Variants in JARID2 observed in about 807,000 individuals in gnomAD.
JARID2 encodes the protein jumonji and AT-rich interaction domain containing 2, also known as protein Jumonji.
JARID2 carries 21 observed loss-of-function variants against 125.6 expected under a neutral mutation model. The ratio of observed to expected loss-of-function variants is 0.17; its 90% CI spans 0.12 to 0.24. The LOEUF is 0.24. Among genes scored for constraint, JARID2 ranks in the 10% least tolerant of loss-of-function variants. The pLI, the probability that JARID2 is intolerant of heterozygous loss-of-function variation, is 1.00. For missense variants in JARID2, 1,303 were observed against 1,639.6 expected, an observed-to-expected ratio of 0.79 and a Z score of 3.55; for synonymous variants, 736 against 661.6, an observed-to-expected ratio of 1.11 and a Z score of -1.73.
At chr6:15,415,415 C>G (rs764022931) in intron 3 of JARID2, among the ~76,000 whole-genome samples, 8 of 151,694 alleles carry the variant, frequency 5.3e-5, no homozygotes, top group Non-Finnish European at 8.8e-5. Flanking sequence ...CCCTCACCTC[C>G]CAGACGGGGC....
In JARID2 at chr6:15,276,601, C is replaced by T. The variant is rs571829864; in HGVS notation, c.45+30017C>T. 2.0e-5 allele frequency among the ~76,000 whole-genome samples: 3 copies of T among 152,264 alleles called. No individual in the cohort carries two copies. In the South Asian group the frequency reaches 6.2e-4, roughly 32 times the overall value. ...AAGGATGTGCATCTTGTTGGCAGCC[C>T]CATGACTTTCTAGAAGCCCTGTTGT... On this transcript the variant is annotated intron_variant, in intron 1 of 17. Coordinates refer to ENST00000341776, the MANE Select transcript of JARID2 (RefSeq NM_004973.4).
intron 1 of JARID2, among the ~76,000 whole-genome samples, chr6:15,283,086 C>T (rs1210043001): frequency 4.0e-5 from 6 of 151,790 alleles, no homozygotes; most frequent in African/African-American, 1.5e-4. Flanking sequence ...TCTTGCCATT[C>T]TCCTGCCTCA....
chr6:15,287,529 T>C (rs767493097), intron 1 of JARID2, among the ~76,000 whole-genome samples: 3 of 152,244 alleles, frequency 2.0e-5, no homozygotes, highest in Non-Finnish European at 2.9e-5. Context: ...CACACAGAAT[T>C]ACATTTTTGG....
At chr6:15,246,637 T>A (rs1759191386) in intron 1 of JARID2, 53 bp downstream of exon 1, 1 of 1,418,094 alleles carries the variant, frequency 7.1e-7, no homozygotes, top group Admixed American at 1.7e-5. Context: ...GCAATGGCTG[T>A]GAATGTCAAG....
At chr6:15,445,669 T>G (rs1371481924) in intron 3 of JARID2, among the ~76,000 whole-genome samples, 1 of 152,192 alleles carries the variant, frequency 6.6e-6, no homozygotes, top group Non-Finnish European at 1.5e-5. Flanking sequence ...GCCCAGCGAC[T>G]GTGGCCTGGG....
chr6:15,321,435 T>TTA (rs1162062203), intron 1 of JARID2, among the ~76,000 whole-genome samples: 1 of 152,218 alleles, frequency 6.6e-6, no homozygotes, highest in Non-Finnish European at 1.5e-5. Context: ...CAGGAAATAT[T>TTA]TAACAATTTT....
Position 15,457,665 on chromosome 6 carries a change from C to T in JARID2, c.493+5490C>T, listed in dbSNP as rs1477547992. On this transcript the variant is annotated intron_variant, in intron 4 of 17. Transcript: ENST00000341776. Reference sequence around the variant, plus strand: ...ATTACCTTTAATATTCTCGGCACTTCTTTGGGATTTGGAAGAGAATAAATC... The same window carrying T: ...ATTACCTTTAATATTCTCGGCACTTTTTTGGGATTTGGAAGAGAATAAATC... Among the ~76,000 whole-genome samples, 3 of 131,892 alleles carry T rather than the reference C, an allele frequency of 2.3e-5. No individual in the cohort carries two copies. The East Asian group carries it at 6.7e-4, about 30-fold the overall frequency. 86.5% of individuals were successfully genotyped at this position (131,892 alleles called of 152,430 possible).
chr6:15,318,352 G>GA (rs1396042857), intron 1 of JARID2, among the ~76,000 whole-genome samples: 9 of 152,250 alleles, frequency 5.9e-5, no homozygotes, highest in Non-Finnish European at 1.2e-4. Context: ...AGGACAGGGA[G>GA]ACAGCAGTGA....
chr6:15,307,376 C>T (rs1761869675), intron 1 of JARID2, among the ~76,000 whole-genome samples: 1 of 152,114 alleles, frequency 6.6e-6, no homozygotes. Context: ...GCATACGGCA[C>T]CATTTTCGGC....
chr6:15,322,192 A>T (rs981979617), intron 1 of JARID2, among the ~76,000 whole-genome samples: 1 of 152,234 alleles, frequency 6.6e-6, no homozygotes, highest in Non-Finnish European at 1.5e-5. Flanking sequence ...TCAAATATCC[A>T]AACAGGCATG....
intron 3 of JARID2, among the ~76,000 whole-genome samples, chr6:15,423,151 A>T (rs2127590575): frequency 6.6e-6 from 1 of 152,104 alleles, no homozygotes; most frequent in Non-Finnish European, 1.5e-5. Flanking sequence ...GGTATGTGCC[A>T]CCACGTCCAG....
At chr6:15,415,656 ACCTC>A (rs1766141958) in intron 3 of JARID2, among the ~76,000 whole-genome samples, 3 of 77,360 alleles carry the variant, frequency 3.9e-5, no homozygotes, top group South Asian at 4.6e-4. Context: ...GACCCCCCCC[ACCTC>A]CCTCCCGGAC....
At chr6:15,399,220 C>G (rs780187876) in intron 2 of JARID2, among the ~76,000 whole-genome samples, 2 of 152,150 alleles carry the variant, frequency 1.3e-5, no homozygotes, top group African/African-American at 2.4e-5. Context: ...CTCCAGCCTT[C>G]TATGTTCTGT....
intron 6 of JARID2, among the ~76,000 whole-genome samples, chr6:15,492,866 C>G (rs1045117291): frequency 6.6e-6 from 1 of 151,908 alleles, no homozygotes; most frequent in African/African-American, 2.4e-5. Context: ...TATGGGCATG[C>G]GTGTGTGATA....
At position 15,401,154 on chromosome 6, in the gene JARID2, C is replaced by CTATATATATATA. The variant is rs140011539; in HGVS notation, c.182-9062_182-9051dup. ...TAAATCCATTGTGGATGGCAAGGTG[C>CTATATATATATA]TATATATATATATATATATGAGAGA... On this transcript the variant is annotated intron_variant, in intron 2 of 17. Coordinates refer to ENST00000341776, the MANE Select transcript of JARID2 (RefSeq NM_004973.4). 3 of 732,406 alleles carry CTATATATATATA rather than the reference C, an allele frequency of 4.1e-6. No individual in the cohort carries two copies. The African/African-American group carries it at 5.8e-5, about 14-fold the overall frequency. The allele number at this position is 732,406 out of a possible 1,614,324, so 45.4% of individuals were successfully genotyped here. A position where few individuals can be genotyped will look rare whatever the true frequency, so the allele number is the denominator to read the frequency against.
At chr6:15,338,293 A>G (rs199710349) in intron 1 of JARID2, among the ~76,000 whole-genome samples, 1 of 152,230 alleles carries the variant, frequency 6.6e-6, no homozygotes, top group East Asian at 1.9e-4. Context: ...AGTTCTCTTC[A>G]CCACTCCCAG....
chr6:15,401,795 A>G (rs898668195), intron 2 of JARID2, among the ~76,000 whole-genome samples: 12 of 151,880 alleles, frequency 7.9e-5, no homozygotes, highest in Non-Finnish European at 1.6e-4. Context: ...CCACATTCCT[A>G]TAGTGCTGCT....
At chr6:15,356,024 G>A (rs1308607784) in intron 1 of JARID2, among the ~76,000 whole-genome samples, 1 of 152,168 alleles carries the variant, frequency 6.6e-6, no homozygotes, top group Admixed American at 6.5e-5. Context: ...TGTATTTTCT[G>A]TCTTTGTGGG....
chr6:15,513,132 A>G (rs1771359083), intron 15 of JARID2, 87 bp downstream of exon 15: 5 of 1,592,558 alleles, frequency 3.1e-6, no homozygotes, highest in African/African-American at 1.4e-5. Flanking sequence ...ACTTCCTGAC[A>G]GGAGGGTGTG....
Sources: gnomAD v4.1 joint callset for allele counts (sites outside exome capture counted in the v4.1 genomes callset) on GRCh38, gnomAD v4.1.1 for gene constraint, MANE v1.5 for transcripts, NCBI Gene and HGNC (gene_info 2026-07-23, HGNC 2026-07-21) for gene names.